EHBP1: variants seen among roughly 807,000 people sequenced by gnomAD.
EHBP1 encodes EH domain-binding protein 1.
In EHBP1, 55 loss-of-function variants were observed where a neutral mutation model predicts 144.0. The ratio of observed to expected loss-of-function variants is 0.38; its 90% CI spans 0.31 to 0.48. The LOEUF is 0.48. Among genes scored for constraint, EHBP1 ranks in the 20% least tolerant of loss-of-function variants. The pLI is 0.98. For missense variants in EHBP1, 1,200 were observed against 1,364.2 expected, an observed-to-expected ratio of 0.88 and a Z score of 1.90; for synonymous variants, 469 against 472.7, an observed-to-expected ratio of 0.99 and a Z score of 0.10.
chr2:63,006,141 C>T (rs2060027549), intron 19 of EHBP1, among the ~76,000 whole-genome samples: 1 of 151,978 alleles, frequency 6.6e-6, no homozygotes, highest in African/African-American at 2.4e-5. Flanking sequence ...ACTAGGGAGG[C>T]TAAGATGGTA....
chr2:62,833,556 T>C (rs2046980911), intron 7 of EHBP1, among the ~76,000 whole-genome samples: 1 of 152,194 alleles, frequency 6.6e-6, no homozygotes, highest in Non-Finnish European at 1.5e-5. Context: ...TTTAAGACCA[T>C]TGTTGAGACC....
At chr2:62,755,467 G>A (rs1231792727) in intron 3 of EHBP1, among the ~76,000 whole-genome samples, 1 of 150,630 alleles carries the variant, frequency 6.6e-6, no homozygotes, top group Non-Finnish European at 1.5e-5. Flanking sequence ...AGACATTATT[G>A]TACAAGTGTC....
At chr2:62,858,513 C>T (rs1389851590) in intron 7 of EHBP1, 4 of 1,596,524 alleles carry the variant, frequency 2.5e-6, no homozygotes, top group Non-Finnish European at 3.4e-6. Flanking sequence ...CTCTGAAGGT[C>T]TAAGAGCTTT....
intron 10 of EHBP1, among the ~76,000 whole-genome samples, chr2:62,879,801 A>G (rs917718163): frequency 6.6e-5 from 10 of 152,186 alleles, no homozygotes; most frequent in Admixed American, 2.0e-4. Context: ...TGCAGATTCA[A>G]TGCTATTTCT....
At chr2:62,679,823 G>A (rs1479081664) in intron 1 of EHBP1, among the ~76,000 whole-genome samples, 3 of 152,192 alleles carry the variant, frequency 2.0e-5, no homozygotes, top group Non-Finnish European at 4.4e-5. Context: ...TCACCAACAA[G>A]GTGTGTTGTG....
chr2:63,005,992 G>T (rs1368278164), intron 19 of EHBP1, among the ~76,000 whole-genome samples: 1 of 151,920 alleles, frequency 6.6e-6, no homozygotes, highest in East Asian at 1.9e-4. Flanking sequence ...AGGGGTATAA[G>T]AGAATACATT....
chr2:62,793,147 C>A (rs2043283473), intron 5 of EHBP1, among the ~76,000 whole-genome samples: 1 of 151,864 alleles, frequency 6.6e-6, no homozygotes, highest in Admixed American at 6.6e-5. Context: ...TTCATAAATT[C>A]ATTAATGTTA....
intron 7 of EHBP1, chr2:62,858,382 G>C: frequency 6.6e-7 from 1 of 1,513,058 alleles, no homozygotes. Flanking sequence ...CCTTATATTT[G>C]TCTTGACTGG....
intron 13 of EHBP1, among the ~76,000 whole-genome samples, chr2:62,951,545 G>GT (rs1558970373): frequency 7.2e-6 from 1 of 139,504 alleles, no homozygotes; most frequent in African/African-American, 2.6e-5. Context: ...GGGGGGGGGG[G>GT]GTGGAGTCTT....
At chr2:62,970,987 T>C (rs1182438852) in intron 14 of EHBP1, among the ~76,000 whole-genome samples, 1 of 152,206 alleles carries the variant, frequency 6.6e-6, no homozygotes, top group Non-Finnish European at 1.5e-5. Flanking sequence ...TGCATACCAA[T>C]ACATTTTTAT....
intron 10 of EHBP1, among the ~76,000 whole-genome samples, chr2:62,935,515 T>C (rs934590696): frequency 6.6e-6 from 1 of 151,976 alleles, no homozygotes; most frequent in Non-Finnish European, 1.5e-5. Context: ...CTGTTTTTGT[T>C]AGTTTATAGG....
intron 14 of EHBP1, among the ~76,000 whole-genome samples, chr2:62,966,927 G>T (rs888027659): frequency 6.6e-6 from 1 of 152,124 alleles, no homozygotes; most frequent in African/African-American, 2.4e-5. Context: ...TATTTGACAA[G>T]ATTTCTTAGT....
intron 4 of EHBP1, 67 bp downstream of exon 4, chr2:62,764,428 C>T: frequency 8.0e-7 from 1 of 1,255,582 alleles, no homozygotes; most frequent in Non-Finnish European, 1.1e-6. Context: ...CAGAATATTT[C>T]AGTGTTCATT....
intron 5 of EHBP1, among the ~76,000 whole-genome samples, chr2:62,783,771 A>G (rs2042619371): frequency 6.6e-6 from 1 of 152,206 alleles, no homozygotes; most frequent in Non-Finnish European, 1.5e-5. Flanking sequence ...GGCTGCTGTG[A>G]AGGTCTCTGA....
chr2:62,840,025 T>G (rs947028827), intron 7 of EHBP1, among the ~76,000 whole-genome samples: 1 of 152,242 alleles, frequency 6.6e-6, no homozygotes, highest in Middle Eastern at 3.4e-3. Context: ...GGGCTTGCAT[T>G]GCCAAGACAA....
chr2:62,720,212 A>G (rs1233993460), intron 2 of EHBP1, among the ~76,000 whole-genome samples: 4 of 152,138 alleles, frequency 2.6e-5, no homozygotes, highest in African/African-American at 9.7e-5. Flanking sequence ...AGGGAGTCTG[A>G]AAAAAATTAC....
At chr2:63,015,670 T>G (rs894608719) in intron 19 of EHBP1, among the ~76,000 whole-genome samples, 4 of 152,058 alleles carry the variant, frequency 2.6e-5, no homozygotes, top group African/African-American at 9.7e-5. Context: ...TAATAGACAT[T>G]AATATGTCTA....
chr2:62,955,788 T>G, intron 14 of EHBP1, 128 bp downstream of exon 14: 1 of 932,598 alleles, frequency 1.1e-6, no homozygotes, highest in East Asian at 2.8e-5. Flanking sequence ...CTTGGTGCAC[T>G]TACTGAACTG....
chr2:62,996,147 A>G (rs1448724871), intron 18 of EHBP1, among the ~76,000 whole-genome samples: 1 of 152,104 alleles, frequency 6.6e-6, no homozygotes, highest in African/African-American at 2.4e-5. Context: ...ATTTTGAAAA[A>G]AAATGTATCT....
Sources: allele counts gnomAD v4.1 joint callset (sites outside exome capture counted in the v4.1 genomes callset), GRCh38; gene constraint gnomAD v4.1.1; transcripts MANE v1.5; gene names NCBI Gene and HGNC (gene_info 2026-07-23, HGNC 2026-07-21).